PPP2R2B: variants seen among roughly 807,000 people sequenced by gnomAD.
PPP2R2B encodes the protein protein phosphatase 2 regulatory subunit Bbeta.
Under a neutral mutation model 46.0 loss-of-function variants are expected in PPP2R2B, and 5 were observed. That is an observed-to-expected ratio of 0.11 (90% confidence interval 0.06 to 0.23). PPP2R2B has a LOEUF of 0.23. Among genes scored for constraint, PPP2R2B ranks in the 10% least tolerant of loss-of-function variants. PPP2R2B has a pLI of 1.00. For synonymous variants in PPP2R2B, 215 were observed against 206.7 expected (o/e 1.04, Z -0.34); for missense variants, 367 against 575.0 (o/e 0.64, Z 3.70).
chr5:146,839,940 G>A (rs1759526334), intron 2 of PPP2R2B, among the ~76,000 whole-genome samples: 1 of 152,200 alleles, frequency 6.6e-6, no homozygotes, highest in Admixed American at 6.5e-5. Flanking sequence ...CAATTGTTCT[G>A]AGTTGTTGCC....
At chr5:146,772,925 T>C (rs1479016142) in intron 2 of PPP2R2B, among the ~76,000 whole-genome samples, 1 of 152,238 alleles carries the variant, frequency 6.6e-6, no homozygotes, top group Non-Finnish European at 1.5e-5. Flanking sequence ...CTAGCTCTTT[T>C]GTTACTAAGG....
intron 2 of PPP2R2B, among the ~76,000 whole-genome samples, chr5:147,062,997 A>AGGGAGGGAGGAG (rs1757308054): frequency 3.4e-5 from 2 of 58,244 alleles, no homozygotes; most frequent in Admixed American, 2.3e-4. Context: ...GGAGGGAGGG[A>AGGGAGGGAGGAG]GGGGGGAAGA....
chr5:146,953,019 G>A (rs1751696673), intron 1 of PPP2R2B, among the ~76,000 whole-genome samples: 1 of 152,140 alleles, frequency 6.6e-6, no homozygotes, highest in African/African-American at 2.4e-5. Context: ...GATAAAATAT[G>A]TAAAAATGAT....
intron 2 of PPP2R2B, among the ~76,000 whole-genome samples, chr5:146,723,191 T>C (rs1392632731): frequency 6.6e-6 from 1 of 152,208 alleles, no homozygotes; most frequent in Admixed American, 6.5e-5. Context: ...AGTGTATGGG[T>C]ATGGTACATA....
rs188761701 is a variant in PPP2R2B, at chr5:147,018,321, C to T, written c.79+37344G>A. Reference sequence around the variant, plus strand: ...TATCATCCAGTCATGACATAGCCACCATGAAAGGCAGTATTTTCCTGTCTT... The same window carrying T: ...TATCATCCAGTCATGACATAGCCACTATGAAAGGCAGTATTTTCCTGTCTT... On this transcript the variant is annotated intron_variant, in intron 1 of 8. Transcript: ENST00000336640. Among the ~76,000 whole-genome samples, 203 of 152,138 alleles carry T rather than the reference C, an allele frequency of 1.3e-3. 1 individual carries two copies. Among genetic ancestry groups the T allele is most frequent in the African/African-American group, 4.3e-3 (179 of 41,516 alleles).
At chr5:146,704,653 G>T (rs1581915239) in intron 2 of PPP2R2B, among the ~76,000 whole-genome samples, 2 of 152,140 alleles carry the variant, frequency 1.3e-5, no homozygotes, top group Admixed American at 1.3e-4. Context: ...ATCTATTTGT[G>T]CTGATTTAAT....
chr5:147,064,236 T>C (rs1430348797), intron 2 of PPP2R2B, among the ~76,000 whole-genome samples: 1 of 152,204 alleles, frequency 6.6e-6, no homozygotes, highest in East Asian at 1.9e-4. Context: ...TTTCAGTCTA[T>C]GAGCTTTGCT....
intron 8 of PPP2R2B, among the ~76,000 whole-genome samples, chr5:146,594,426 CAG>C (rs949516257): frequency 6.6e-6 from 1 of 152,260 alleles, no homozygotes; most frequent in African/African-American, 2.4e-5. Flanking sequence ...GAATAAGGTT[CAG>C]AGAGTAGTAG....
At chr5:146,850,875 T>C (rs1760306965) in intron 2 of PPP2R2B, among the ~76,000 whole-genome samples, 1 of 152,108 alleles carries the variant, frequency 6.6e-6, no homozygotes, top group Non-Finnish European at 1.5e-5. Context: ...ATCAAGTAAA[T>C]GTCTGAAAAA....
At chr5:146,669,594 C>T (rs1005130386) in intron 5 of PPP2R2B, among the ~76,000 whole-genome samples, 2 of 152,026 alleles carry the variant, frequency 1.3e-5, no homozygotes, top group Admixed American at 1.3e-4. Context: ...AAACCTGGTG[C>T]TTGCTTTATG....
chr5:146,761,878 T>C (rs946032369), intron 2 of PPP2R2B, among the ~76,000 whole-genome samples: 1 of 152,198 alleles, frequency 6.6e-6, no homozygotes, highest in Non-Finnish European at 1.5e-5. Flanking sequence ...TAAAAAAAGA[T>C]GGGACTCACT....
At chr5:146,669,175 T>G (rs1777187154) in intron 5 of PPP2R2B, among the ~76,000 whole-genome samples, 1 of 152,212 alleles carries the variant, frequency 6.6e-6, no homozygotes, top group Non-Finnish European at 1.5e-5. Flanking sequence ...TTATTTTGCC[T>G]CTAATCTAGG....
intron 1 of PPP2R2B, among the ~76,000 whole-genome samples, chr5:147,039,033 A>G (rs1014126243): frequency 6.6e-6 from 1 of 152,164 alleles, no homozygotes; most frequent in Non-Finnish European, 1.5e-5. Context: ...TATTCCTTGA[A>G]TACTACATTG....
At chr5:146,666,082 A>G (rs570300339) in intron 5 of PPP2R2B, among the ~76,000 whole-genome samples, 1 of 152,344 alleles carries the variant, frequency 6.6e-6, no homozygotes, top group East Asian at 1.9e-4. Context: ...TTTAGAAACA[A>G]TGTGAATATC....
At chr5:146,838,247 A>G (rs533547344) in intron 2 of PPP2R2B, among the ~76,000 whole-genome samples, 1 of 152,280 alleles carries the variant, frequency 6.6e-6, no homozygotes, top group East Asian at 1.9e-4. Flanking sequence ...TGTGAAATAC[A>G]GGGTGGTTAG....
At chr5:146,707,097 C>A in intron 2 of PPP2R2B, 1 of 1,556,388 alleles carries the variant, frequency 6.4e-7, no homozygotes, top group Non-Finnish European at 8.8e-7. Context: ...TGAAGTCCTC[C>A]ACCAGCCCCT....
intron 2 of PPP2R2B, among the ~76,000 whole-genome samples, chr5:146,731,343 C>T (rs573589487): frequency 6.6e-6 from 1 of 152,234 alleles, no homozygotes; most frequent in South Asian, 2.1e-4. Context: ...GACTCTGATG[C>T]CTGGACTTTT....
Position 147,018,612 on chromosome 5 carries a change from C to T in PPP2R2B, c.79+37053G>A, listed in dbSNP as rs189571366. On this transcript the variant is annotated intron_variant, in intron 1 of 8. Coordinates refer to the PPP2R2B transcript ENST00000336640. Reference sequence around the variant, plus strand: ...GAAAATATAGTAAATGTTGATGTAACGATGAGAAACCCAGCTTAGTTAACT... The same window carrying T: ...GAAAATATAGTAAATGTTGATGTAATGATGAGAAACCCAGCTTAGTTAACT... 2.0e-3 allele frequency among the ~76,000 whole-genome samples: 297 copies of T among 152,102 alleles called. 1 individual carries two copies. The highest frequency in any genetic ancestry group is 6.5e-3 in the African/African-American group (269 of 41,480).
At chr5:146,852,502 G>C (rs147956784) in intron 2 of PPP2R2B, among the ~76,000 whole-genome samples, 7 of 152,064 alleles carry the variant, frequency 4.6e-5, no homozygotes, top group Admixed American at 3.9e-4. Context: ...ATCAGGCCAC[G>C]AGCAGGACTT....
Sources: allele counts gnomAD v4.1 joint callset (sites outside exome capture counted in the v4.1 genomes callset), GRCh38; gene constraint gnomAD v4.1.1; transcripts MANE v1.5; gene names NCBI Gene and HGNC (gene_info 2026-07-23, HGNC 2026-07-21).